The following LGR6 variants were observed in gnomAD, a reference collection of about 807,000 sequenced individuals.
LGR6 encodes leucine-rich repeat-containing G protein-coupled receptor 6.
In LGR6, 45 loss-of-function variants were observed where a neutral mutation model predicts 69.4. The ratio of observed to expected loss-of-function variants is 0.65; its 90% CI spans 0.51 to 0.83. The LOEUF is 0.83. LGR6 is among the 40% of genes least tolerant of loss of function. LGR6 has a pLI of 0.00. For synonymous variants in LGR6, 538 were observed against 555.0 expected (o/e 0.97, Z 0.43); for missense variants, 1,108 against 1,246.7 (o/e 0.89, Z 1.68).
Position 202,319,001 on chromosome 1 carries a change from AC to A in LGR6, c.2701del (p.Leu901SerfsTer18). The A allele has an allele frequency of 6.2e-7, 1 of 1,613,774 alleles. No individual in the cohort carries two copies. Among genetic ancestry groups the A allele is most frequent in the Non-Finnish European group, 8.5e-7 (1 of 1,179,888 alleles). On this transcript the variant is annotated frameshift_variant, in exon 18 of 18. Coordinates refer to ENST00000367278, the MANE Select transcript of LGR6 (RefSeq NM_001017403.2). LOFTEE classifies it low-confidence loss of function (END_TRUNC). ...GLETYGFPSVTLISCQQPGAP... is the reference protein window; with the variant it reads ...GLETYGFPSVXLISCQQPGAP... ...GGAGACCTATGGCTTCCCCTCAGTG[AC>A]CCTCATCTCCTGTCAGCAGCCAGGG...
intron 5 of LGR6, among the ~76,000 whole-genome samples, 190 bp from the exon 6 acceptor site, chr1:202,280,591 G>A (rs368295971): frequency 6.6e-6 from 1 of 152,266 alleles, no homozygotes; most frequent in South Asian, 2.1e-4. Context: ...GGTCAATCCA[G>A]CCTTGGAGAT....
At chr1:202,294,937 G>A (rs1423150816) in intron 6 of LGR6, among the ~76,000 whole-genome samples, 1 of 152,198 alleles carries the variant, frequency 6.6e-6, no homozygotes, top group East Asian at 1.9e-4. Context: ...AACCATAGAA[G>A]TATTTGGGGA....
intron 1 of LGR6, among the ~76,000 whole-genome samples, chr1:202,207,469 G>A (rs1659296008): frequency 6.6e-6 from 1 of 152,186 alleles, no homozygotes; most frequent in Non-Finnish European, 1.5e-5. Context: ...GGCACAGGGG[G>A]CACACCAGAG....
intron 4 of LGR6, among the ~76,000 whole-genome samples, chr1:202,257,520 T>A (rs1221833724): frequency 6.6e-6 from 1 of 152,168 alleles, no homozygotes; most frequent in Non-Finnish European, 1.5e-5. Flanking sequence ...CATGTAGATA[T>A]CCACATGTTC....
At chr1:202,226,317 A>G (rs1660547047) in intron 2 of LGR6, among the ~76,000 whole-genome samples, 1 of 152,190 alleles carries the variant, frequency 6.6e-6, no homozygotes. Flanking sequence ...TTGCGGCTCT[A>G]GAAATTTTGC....
At chr1:202,245,599 C>A (rs1662590819) in intron 4 of LGR6, among the ~76,000 whole-genome samples, 1 of 152,160 alleles carries the variant, frequency 6.6e-6, no homozygotes, top group South Asian at 2.1e-4. Flanking sequence ...TGGGCCACTC[C>A]TGCCCTCTGC....
intron 6 of LGR6, among the ~76,000 whole-genome samples, chr1:202,291,030 G>A (rs898130137): frequency 1.3e-5 from 2 of 152,204 alleles, no homozygotes; most frequent in African/African-American, 4.8e-5. Flanking sequence ...AATTAGGCAT[G>A]TGGGTCCTTG....
intron 4 of LGR6, among the ~76,000 whole-genome samples, chr1:202,270,443 T>C (rs1362143819): frequency 6.6e-6 from 1 of 152,106 alleles, no homozygotes; most frequent in African/African-American, 2.4e-5. Flanking sequence ...GGTTTCCCCA[T>C]GTTGGTCAGG....
intron 1 of LGR6, among the ~76,000 whole-genome samples, chr1:202,205,073 ACACCTCCTCCACACACACACACG>A: frequency 6.9e-6 from 1 of 145,534 alleles, no homozygotes; most frequent in Non-Finnish European, 1.5e-5. Context: ...CACCTAACAC[ACACCTCCTCCACACACACACACG>A]TACCTCCAAA....
chr1:202,319,639 TTGACATATGCCA>T lies in LGR6; in HGVS notation c.*435_*446del, dbSNP rs1654474455. On this transcript the variant is annotated 3_prime_UTR_variant, in exon 18 of 18. Transcript: ENST00000367278. The stretch of plus-strand genomic sequence containing the variant: ...AAATGTGTTCCATGTACCATTAATC[TTGACATATGCCA>T]TGCATAAAGACTTCCTATTAAAATA... 6.0e-6 allele frequency: 1 copy of T among 166,242 alleles called. No homozygotes were observed. Among genetic ancestry groups the T allele is most frequent in the African/African-American group, 2.4e-5 (1 of 41,772 alleles). The allele number at this position is 166,242 out of a possible 1,614,324, so 10.3% of individuals were successfully genotyped here.
chr1:202,285,135 G>A (rs941926891), intron 6 of LGR6, among the ~76,000 whole-genome samples: 43 of 152,222 alleles, frequency 2.8e-4, no homozygotes, highest in African/African-American at 9.4e-4. Flanking sequence ...ATCTCCTCTG[G>A]TGATGGATGC....
intron 2 of LGR6, 98 bp downstream of exon 2, chr1:202,225,592 G>C: frequency 9.2e-7 from 1 of 1,085,744 alleles, no homozygotes; most frequent in South Asian, 1.4e-5. Context: ...AGAAGAGAAA[G>C]GGGCTTGGGA....
In LGR6 at chr1:202,318,526, C is replaced by A. The variant is rs140681628; in HGVS notation, c.2223C>A (p.Ser741=). Residue 741 remains serine, a synonymous_variant, in exon 18 of 18, where the codon TCC becomes TCA. Transcript: ENST00000367278. ...CCGTGGCCCTGGTGATGATGAACTCCTTCTGTTTCCTGGTCGTGGCCGGTG... is the reference window on the plus strand; with the variant it reads ...CCGTGGCCCTGGTGATGATGAACTCATTCTGTTTCCTGGTCGTGGCCGGTG... ...GFTVALVMMN[S]FCFLVVAGAY... The A allele has an allele frequency of 5.0e-6, 8 of 1,613,964 alleles. No individual in the cohort carries two copies. The African/African-American group carries it at 8.0e-5, about 16-fold the overall frequency.
At chr1:202,307,549 G>A (rs145896735) in intron 14 of LGR6, 148 bp downstream of exon 14, 36 of 677,030 alleles carry the variant, frequency 5.3e-5, no homozygotes, top group South Asian at 4.1e-4. Context: ...CTGACAATCC[G>A]TTTGACAGAG....
chr1:202,237,525 T>A (rs113182152), intron 4 of LGR6, among the ~76,000 whole-genome samples: 57 of 152,290 alleles, frequency 3.7e-4, no homozygotes, highest in African/African-American at 1.1e-3. Context: ...TTTACTTTTT[T>A]AAAAAAAATC....
At chr1:202,312,950 C>T (rs1368399368) in intron 16 of LGR6, among the ~76,000 whole-genome samples, 1 of 152,086 alleles carries the variant, frequency 6.6e-6, no homozygotes, top group Admixed American at 6.5e-5. Context: ...AGTGTAAGGC[C>T]GGGCACGGTG....
At chr1:202,227,128 T>A (rs868831880) in intron 2 of LGR6, among the ~76,000 whole-genome samples, 5 of 152,162 alleles carry the variant, frequency 3.3e-5, no homozygotes, top group African/African-American at 4.8e-5. Flanking sequence ...AGTTTTTTTT[T>A]AAACAATAAA....
At position 202,253,631 on chromosome 1, in the gene LGR6, T is replaced by TTA. The variant is rs1391366044; in HGVS notation, c.428+17639_428+17640insAT. Among the ~76,000 whole-genome samples, 5 of 111,790 alleles carry TTA rather than the reference T, an allele frequency of 4.5e-5. No homozygotes were observed. In the East Asian group the frequency reaches 1.4e-3, roughly 30 times the overall value. 73.3% of individuals were successfully genotyped at this position (111,790 alleles called of 152,430 possible). On this transcript the variant is annotated intron_variant, in intron 4 of 17. Transcript: ENST00000367278. ...ATGGTCCTACTATTCTTTTTTTTTT[T>TTA]TTTTTTTTTTTTTTTGAGACGAAGT...
At position 202,319,307 on chromosome 1, in the gene LGR6, G is replaced by A; in HGVS notation, c.*100G>A. The stretch of plus-strand genomic sequence containing the variant: ...AAACAAATACAACCAAAACTCAGCA[G>A]TGTGATCTATAGCAGGATGGCCCAG... On this transcript the variant is annotated 3_prime_UTR_variant, in exon 18 of 18. Transcript: ENST00000367278. 1 of 1,314,284 alleles carries A rather than the reference G, an allele frequency of 7.6e-7. No homozygotes were observed. Among genetic ancestry groups the A allele is most frequent in the Non-Finnish European group, 1.0e-6 (1 of 978,990 alleles). The allele number at this position is 1,314,284 out of a possible 1,614,324, so 81.4% of individuals were successfully genotyped here. A position where few individuals can be genotyped will look rare whatever the true frequency, so the allele number is the denominator to read the frequency against.
Sources: gnomAD v4.1 joint callset for allele counts (sites outside exome capture counted in the v4.1 genomes callset) on GRCh38, gnomAD v4.1.1 for gene constraint, MANE v1.5 for transcripts, NCBI Gene and HGNC (gene_info 2026-07-23, HGNC 2026-07-21) for gene names.